Variants in VPS26A observed in about 807,000 individuals in gnomAD.
VPS26A encodes the protein VPS26 retromer complex component A, also known as vacuolar protein sorting-associated protein 26A.
VPS26A carries 22 observed loss-of-function variants against 42.4 expected under a neutral mutation model. That is an observed-to-expected ratio of 0.52 (90% CI 0.37 to 0.74). VPS26A has a LOEUF of 0.74. Ranked by LOEUF, VPS26A falls within the 30% of genes least tolerant of loss-of-function variation. The pLI is 0.00. For synonymous variants in VPS26A, 110 were observed against 123.5 expected (o/e 0.89, Z 0.73); for missense variants, 276 against 379.2 (o/e 0.73, Z 2.26).
chr10:69,124,824 G>T (rs1840614734), intron 1 of VPS26A, among the ~76,000 whole-genome samples: 1 of 152,216 alleles, frequency 6.6e-6, no homozygotes, highest in Non-Finnish European at 1.5e-5. Context: ...AAATGGGAGA[G>T]AAAAATAAAA....
At chr10:69,153,472 T>G (rs1447135051) in intron 2 of VPS26A, among the ~76,000 whole-genome samples, 5 of 151,616 alleles carry the variant, frequency 3.3e-5, no homozygotes, top group Non-Finnish European at 7.4e-5. Context: ...GTCTCCCTAG[T>G]AGCTGGGACT....
At chr10:69,149,727 G>GGTT (rs1841249742) in intron 2 of VPS26A, among the ~76,000 whole-genome samples, 4 of 93,952 alleles carry the variant, frequency 4.3e-5, no homozygotes, top group African/African-American at 1.9e-4. Context: ...CTTTCTTGGT[G>GGTT]TTTTTTGTTT....
chr10:69,133,072 A>G (rs1272852393), intron 2 of VPS26A, 25 bp downstream of exon 2: 23 of 1,599,526 alleles, frequency 1.4e-5, no homozygotes, highest in Non-Finnish European at 2.0e-5. Context: ...TGACAAAACT[A>G]TCTAATTGTA....
chr10:69,142,754 A>T (rs1276714996), intron 2 of VPS26A, among the ~76,000 whole-genome samples: 1 of 150,316 alleles, frequency 6.7e-6, no homozygotes, highest in African/African-American at 2.4e-5. Context: ...AAAAAAAAAG[A>T]TTTAAATTGG....
intron 5 of VPS26A, among the ~76,000 whole-genome samples, chr10:69,158,547 A>G (rs1841482859): frequency 6.6e-6 from 1 of 151,568 alleles, no homozygotes; most frequent in Admixed American, 6.6e-5. Flanking sequence ...TTTCACCTTT[A>G]CCACTTAATC....
Position 69,147,514 on chromosome 10 carries a change from T to C in VPS26A, c.154-8298T>C, listed in dbSNP as rs376577783. Reference sequence around the variant, plus strand: ...AAGGTCATGAAGATTTGCACCCATGTTTTCTTCTAAGAGTTTTTTAATTGT... The same window carrying C: ...AAGGTCATGAAGATTTGCACCCATGCTTTCTTCTAAGAGTTTTTTAATTGT... On this transcript the variant is annotated intron_variant, in intron 2 of 8. Transcript: ENST00000263559. Among the ~76,000 whole-genome samples, 45 of 152,288 alleles carry C rather than the reference T, an allele frequency of 3.0e-4. 1 individual carries two copies. In the South Asian group the frequency reaches 9.3e-3, roughly 32 times the overall value.
chr10:69,147,046 A>G (rs1468391227), intron 2 of VPS26A, among the ~76,000 whole-genome samples: 1 of 152,254 alleles, frequency 6.6e-6, no homozygotes, highest in Non-Finnish European at 1.5e-5. Flanking sequence ...CCAGCAATAT[A>G]TAAGGGTTTT....
At chr10:69,145,405 T>A (rs1248206426) in intron 2 of VPS26A, among the ~76,000 whole-genome samples, 1 of 152,206 alleles carries the variant, frequency 6.6e-6, no homozygotes, top group Non-Finnish European at 1.5e-5. Flanking sequence ...TTGTCTGTGG[T>A]GGTAACATAG....
In VPS26A at chr10:69,173,966, C is replaced by G. The variant is rs568507348; in HGVS notation, c.*2697C>G. Among the ~76,000 whole-genome samples the G allele has an allele frequency of 2.7e-3, 413 of 152,348 alleles. 1 individual carries two copies. Among genetic ancestry groups the G allele is most frequent in the Non-Finnish European group, 3.4e-3 (229 of 68,034 alleles). On this transcript the variant is annotated 3_prime_UTR_variant, in exon 9 of 9. Coordinates refer to ENST00000263559, the MANE Select transcript of VPS26A (RefSeq NM_004896.5). ...CCGAGATCACACCAATGCACTCCAG[C>G]CTGGCTAGAAGTTTGTAAAATGGAC...
rs183392566 is a variant in VPS26A at position 69,173,548 on chromosome 10, T to C, written c.*2279T>C. 5.9e-5 allele frequency among the ~76,000 whole-genome samples: 9 copies of C among 152,296 alleles called. No homozygotes were observed. The South Asian group carries it at 6.2e-4, about 11-fold the overall frequency. On this transcript the variant is annotated 3_prime_UTR_variant, in exon 9 of 9. Coordinates refer to ENST00000263559, the MANE Select transcript of VPS26A (RefSeq NM_004896.5). ...GAGACAGGAAGATCCCTTTGAGAGG[T>C]GAAGCCAGCTGGACTTCTGAGTTGC...
chr10:69,157,969 C>A, intron 4 of VPS26A, 78 bp from the exon 5 acceptor site: 1 of 1,286,094 alleles, frequency 7.8e-7, no homozygotes, highest in African/African-American at 1.5e-5. Flanking sequence ...GCCTGAGTTG[C>A]AGTTAATGTT....
intron 2 of VPS26A, chr10:69,133,657 GTTTTGGGTT>G (rs756618274): frequency 4.2e-5 from 52 of 1,246,270 alleles, no homozygotes; most frequent in African/African-American, 3.1e-4. Context: ...ACGGTTTTTT[GTTTTGGGTT>G]TTTTGGGTTT....
intron 2 of VPS26A, among the ~76,000 whole-genome samples, chr10:69,150,427 T>G (rs576740844): frequency 1.3e-5 from 2 of 150,992 alleles, no homozygotes; most frequent in East Asian, 3.9e-4. Flanking sequence ...TTTTTTGAGA[T>G]GGAGTGTCCC....
chr10:69,168,715 G>A, intron 8 of VPS26A, 84 bp downstream of exon 8: 1 of 1,480,534 alleles, frequency 6.8e-7, no homozygotes, highest in East Asian at 2.3e-5. Flanking sequence ...TCACTGTACT[G>A]AGCGAGTGGG....
chr10:69,165,403 C>T (rs1053606422), intron 6 of VPS26A, among the ~76,000 whole-genome samples: 1 of 152,160 alleles, frequency 6.6e-6, no homozygotes, highest in Non-Finnish European at 1.5e-5. Context: ...CATGTACCCC[C>T]ATATGTGATT....
At chr10:69,162,972 GTTA>G (rs1302747029) in intron 6 of VPS26A, among the ~76,000 whole-genome samples, 1 of 147,398 alleles carries the variant, frequency 6.8e-6, no homozygotes, top group African/African-American at 2.4e-5. Flanking sequence ...TTTCCAATTA[GTTA>G]TTATGTATAC....
chr10:69,148,678 A>T (rs942832862), intron 2 of VPS26A, among the ~76,000 whole-genome samples: 1 of 152,120 alleles, frequency 6.6e-6, no homozygotes, highest in African/African-American at 2.4e-5. Context: ...TTCTGAAGAT[A>T]GCATTATTCG....
chr10:69,165,995 T>C, intron 6 of VPS26A, 47 bp from the exon 7 acceptor site: 1 of 1,543,460 alleles, frequency 6.5e-7, no homozygotes, highest in South Asian at 1.1e-5. Context: ...GGCTAGTAAT[T>C]ATATTCTGGA....
At chr10:69,132,430 A>AT (rs1182166690) in intron 1 of VPS26A, among the ~76,000 whole-genome samples, 4 of 59,890 alleles carry the variant, frequency 6.7e-5, no homozygotes. Context: ...GTTTTGATGT[A>AT]GTTTTTTTTT....
Sources: allele counts gnomAD v4.1 joint callset (sites outside exome capture counted in the v4.1 genomes callset), GRCh38; gene constraint gnomAD v4.1.1; transcripts MANE v1.5; gene names NCBI Gene and HGNC (gene_info 2026-07-23, HGNC 2026-07-21).